The following CSE1L variants were observed in gnomAD, a reference collection of about 807,000 sequenced individuals.
CSE1L encodes exportin-2.
CSE1L carries 24 observed loss-of-function variants against 120.4 expected under a neutral mutation model. The observed-to-expected ratio is 0.20, with a 90% CI of 0.14 to 0.28. The LOEUF (loss-of-function observed/expected upper bound fraction) is 0.28, where lower values mean the gene tolerates loss of function less well. Ranked by LOEUF, CSE1L falls within the 10% of genes least tolerant of loss-of-function variation. CSE1L has a pLI of 1.00. For synonymous variants in CSE1L, 402 were observed against 398.3 expected (o/e 1.01, Z -0.11); for missense variants, 830 against 1,145.2 (o/e 0.72, Z 3.97).
At chr20:49,063,498 G>A (rs1318151749) in intron 3 of CSE1L, among the ~76,000 whole-genome samples, 154 bp downstream of exon 3, 1 of 152,182 alleles carries the variant, frequency 6.6e-6, no homozygotes, top group Non-Finnish European at 1.5e-5. Context: ...CAAGGCTGCA[G>A]TGAGCTATGA....
At chr20:49,084,617 G>A (rs114366629) in intron 15 of CSE1L, among the ~76,000 whole-genome samples, 182 of 152,262 alleles carry the variant, frequency 1.2e-3, no homozygotes, top group African/African-American at 4.2e-3. Context: ...TTTGCGTAAG[G>A]TCACTTATTT....
Position 49,075,531 on chromosome 20 carries a change from T to A in CSE1L, c.1335+11T>A. 6.2e-7 allele frequency: 1 copy of A among 1,611,018 alleles called. No homozygotes were observed. The highest frequency in any genetic ancestry group is 8.5e-7 in the Non-Finnish European group (1 of 1,177,338). ...GCCCAAACACAGAAGGTAAATATTT[T>A]TAATGTGGTTTTGTTTCTAAAACAG... On this transcript the variant is annotated intron_variant, in intron 12 of 24. Transcript: ENST00000262982.
chr20:49,094,415 C>G, intron 23 of CSE1L, 129 bp downstream of exon 23: 3 of 901,242 alleles, frequency 3.3e-6, no homozygotes, highest in Non-Finnish European at 5.2e-6. Flanking sequence ...ACAATCAGAT[C>G]CAAGACATGA....
intron 15 of CSE1L, among the ~76,000 whole-genome samples, chr20:49,084,772 A>G (rs7264419): frequency 0.22 from 32,981 of 152,080 alleles, 3,711 homozygotes; most frequent in Non-Finnish European, 0.24. Flanking sequence ...TCTTGAAATG[A>G]GCTTTGGGTA....
At chr20:49,082,430 C>T (rs1168074096) in intron 14 of CSE1L, among the ~76,000 whole-genome samples, 3 of 152,168 alleles carry the variant, frequency 2.0e-5, no homozygotes, top group Middle Eastern at 3.4e-3. Context: ...AGTCGTGATT[C>T]ACCACGCCTG....
chr20:49,049,200 G>GA (rs1348705731), intron 1 of CSE1L, among the ~76,000 whole-genome samples: 2 of 152,026 alleles, frequency 1.3e-5, no homozygotes, highest in African/African-American at 4.8e-5. Flanking sequence ...ATTTAAAGGT[G>GA]ATAAAAATGA....
intron 1 of CSE1L, among the ~76,000 whole-genome samples, chr20:49,050,412 T>TG (rs2091757549): frequency 7.8e-6 from 1 of 128,764 alleles, no homozygotes; most frequent in African/African-American, 2.8e-5. Flanking sequence ...TTTTTTTTTT[T>TG]GAGATGGGAG....
rs184951470 is a variant in CSE1L, at chr20:49,070,233, T to C, written c.704T>C (p.Met235Thr). ...CTCCCTGAATTTTTTGAAGATAATA[T>C]GGAAACTTGGATGAATAATTTTCAT... ...QDLPEFFEDN[M>T]ETWMNNFHTL... Residue 235 changes from methionine to threonine, a missense_variant, in exon 8 of 25, where the codon ATG becomes ACG. By Grantham distance (81) the Met-to-Thr change is moderately conservative. Transcript: ENST00000262982. 2 of 1,465,774 alleles carry C rather than the reference T, an allele frequency of 1.4e-6. No homozygotes were observed. The highest frequency in any genetic ancestry group is 4.6e-5 in the East Asian group (2 of 43,214). 90.8% of individuals were successfully genotyped at this position (1,465,774 alleles called of 1,614,324 possible). A position where few individuals can be genotyped will look rare whatever the true frequency, so the allele number is the denominator to read the frequency against.
intron 1 of CSE1L, among the ~76,000 whole-genome samples, chr20:49,055,936 C>CT (rs1331828599): frequency 1.3e-5 from 2 of 151,138 alleles, no homozygotes; most frequent in Non-Finnish European, 2.9e-5. Flanking sequence ...TTCCACTGAC[C>CT]TTTTTTACAT....
At position 49,094,188 on chromosome 20, in the gene CSE1L, G is replaced by A; in HGVS notation, c.2496G>A (p.Lys832=). 1.9e-6 allele frequency: 3 copies of A among 1,596,316 alleles called. No individual in the cohort carries two copies. The highest frequency in any genetic ancestry group is 2.6e-6 in the Non-Finnish European group (3 of 1,167,578). ...LEKIIIPEIQ[K]VSGNVEKKIC... ...AAATTATTATTCCTGAAATTCAGAA[G>A]GTATCTGGAAATGTAGAGAAAAAGA... The change falls in exon 23 of 25, where the codon AAG becomes AAA. Residue 832 remains lysine, a synonymous_variant. Coordinates refer to ENST00000262982, the MANE Select transcript of CSE1L (RefSeq NM_001316.4).
chr20:49,080,698 A>T (rs1466691929), intron 14 of CSE1L, among the ~76,000 whole-genome samples: 1 of 151,906 alleles, frequency 6.6e-6, no homozygotes, highest in Non-Finnish European at 1.5e-5. Flanking sequence ...CTGGTCTCGA[A>T]CCCCCTACCT....
chr20:49,096,697 G>T lies in CSE1L; in HGVS notation c.*259G>T, dbSNP rs1008026117. On this transcript the variant is annotated 3_prime_UTR_variant, in exon 25 of 25. Transcript: ENST00000262982. ...AGTTCAGTGTATGGCGTTGGTTTGTGTTGAGCGTTTGCACGGTTTGGATAA... is the reference window on the plus strand; with the variant it reads ...AGTTCAGTGTATGGCGTTGGTTTGTTTTGAGCGTTTGCACGGTTTGGATAA... 2 of 476,720 alleles carry T rather than the reference G, an allele frequency of 4.2e-6. No homozygotes were observed. The highest frequency in any genetic ancestry group is 7.5e-6 in the Non-Finnish European group (2 of 266,864). 29.5% of individuals were successfully genotyped at this position (476,720 alleles called of 1,614,324 possible). A position where few individuals can be genotyped will look rare whatever the true frequency, so the allele number is the denominator to read the frequency against.
At chr20:49,053,272 A>G (rs1328919272) in intron 1 of CSE1L, among the ~76,000 whole-genome samples, 1 of 148,878 alleles carries the variant, frequency 6.7e-6, no homozygotes, top group Non-Finnish European at 1.5e-5. Flanking sequence ...AAATTTGCAT[A>G]TGGCAAAGAA....
intron 16 of CSE1L, 62 bp from the exon 17 acceptor site, chr20:49,087,947 C>T (rs1307964459): frequency 8.0e-6 from 9 of 1,131,496 alleles, no homozygotes; most frequent in South Asian, 1.4e-5. Context: ...TCCCCCCAGT[C>T]GCTCTCTTAT....
chr20:49,048,557 T>G (rs2091740343), intron 1 of CSE1L, among the ~76,000 whole-genome samples: 1 of 152,040 alleles, frequency 6.6e-6, no homozygotes, highest in Non-Finnish European at 1.5e-5. Context: ...GACCAGCCAT[T>G]AAAAGGTGAG....
intron 18 of CSE1L, 65 bp from the exon 19 acceptor site, chr20:49,089,473 T>A (rs1020868750): frequency 1.3e-6 from 2 of 1,595,668 alleles, no homozygotes; most frequent in Non-Finnish European, 8.6e-7. Flanking sequence ...ACCTAAGCGA[T>A]GTGGGCCTTT....
chr20:49,082,299 C>T (rs2092018957), intron 14 of CSE1L, among the ~76,000 whole-genome samples: 1 of 151,702 alleles, frequency 6.6e-6, no homozygotes. Flanking sequence ...CTGCAGGTGC[C>T]CACCACCACG....
At chr20:49,074,722 C>A in intron 10 of CSE1L, 63 bp from the exon 11 acceptor site, 1 of 1,397,544 alleles carries the variant, frequency 7.2e-7, no homozygotes, top group South Asian at 1.3e-5. Context: ...CTTCTGCATT[C>A]TCAGCTGTAA....
chr20:49,089,589 A>C lies in CSE1L; in HGVS notation c.2024A>C (p.Lys675Thr). ...ATGTCTTTGCTTCTGGAAACACACA[A>C]AAATGACATCCCGTCTTCCTATATG... ...QVMSLLLETHKNDIPSSYMAL... is the reference protein window; with the variant it reads ...QVMSLLLETHTNDIPSSYMAL... The change falls in exon 19 of 25, where the codon AAA becomes ACA. Residue 675 changes from lysine (K) to threonine (T), a missense_variant. Lys to Thr is a moderately conservative substitution (Grantham distance 78, BLOSUM62 -1). This residue lies in a region of CSE1L where 168 missense variants were observed against 267.9 expected (regional missense o/e 0.63). Transcript: ENST00000262982. 2 of 1,614,192 alleles carry C rather than the reference A, an allele frequency of 1.2e-6. No homozygotes were observed. Among genetic ancestry groups the C allele is most frequent in the South Asian group, 2.2e-5 (2 of 91,082 alleles).
Sources: allele counts gnomAD v4.1 joint callset (sites outside exome capture counted in the v4.1 genomes callset), GRCh38; gene constraint gnomAD v4.1.1; regional missense constraint gnomAD v4.1.1; transcripts MANE v1.5; gene names NCBI Gene and HGNC (gene_info 2026-07-23, HGNC 2026-07-21).